RGS6: variants seen among roughly 807,000 people sequenced by gnomAD.
RGS6 encodes regulator of G-protein signaling 6.
A neutral mutation model predicts 78.5 loss-of-function variants in RGS6; 30 were observed. The observed-to-expected ratio is 0.38, with a 90% CI of 0.29 to 0.52. The LOEUF (loss-of-function observed/expected upper bound fraction) is 0.52. Among genes scored for constraint, RGS6 ranks in the 20% least tolerant of loss-of-function variants. The pLI is 0.85. For missense variants in RGS6, 495 were observed against 609.7 expected, an observed-to-expected ratio of 0.81 and a Z score of 1.98; for synonymous variants, 206 against 206.0, an observed-to-expected ratio of 1.00 and a Z score of 0.00.
intron 2 of RGS6, among the ~76,000 whole-genome samples, chr14:72,083,820 C>T (rs1480913815): frequency 2.0e-5 from 3 of 152,078 alleles, no homozygotes; most frequent in African/African-American, 7.2e-5. Flanking sequence ...AGAAATGTTG[C>T]TTGGGGAAAA....
intron 3 of RGS6, among the ~76,000 whole-genome samples, chr14:72,395,820 A>G (rs568441493): frequency 2.0e-5 from 3 of 152,086 alleles, no homozygotes; most frequent in East Asian, 3.9e-4. Context: ...GCTGAGAATG[A>G]TGGTTTCCAG....
intron 2 of RGS6, among the ~76,000 whole-genome samples, chr14:72,164,665 G>A (rs2096900556): frequency 6.6e-6 from 1 of 151,494 alleles, no homozygotes; most frequent in African/African-American, 2.4e-5. Flanking sequence ...CAAAACCAGT[G>A]TTATTTTCAG....
intron 2 of RGS6, among the ~76,000 whole-genome samples, chr14:72,088,236 T>C (rs1240215034): frequency 6.6e-6 from 1 of 152,116 alleles, no homozygotes; most frequent in Non-Finnish European, 1.5e-5. Context: ...CGGGGCACAT[T>C]TTGTTGGTAA....
chr14:72,436,878 T>C (rs2094937143), intron 3 of RGS6, among the ~76,000 whole-genome samples: 1 of 152,190 alleles, frequency 6.6e-6, no homozygotes, highest in Non-Finnish European at 1.5e-5. Context: ...TGGAAATCTA[T>C]GGTGTGGCCT....
In RGS6 at chr14:72,247,611, G is replaced by A. The variant is rs188469108; in HGVS notation, c.85-104484G>A. Among the ~76,000 whole-genome samples, 4 of 152,278 alleles carry A rather than the reference G, an allele frequency of 2.6e-5. No individual in the cohort carries two copies. In the East Asian group the frequency reaches 5.8e-4, roughly 22 times the overall value. ...TTTCTGTGGTTTGAATGTGTCCCTCGAAGTTCATGTGTTGAAAATGTAATT... is the reference window on the plus strand; with the variant it reads ...TTTCTGTGGTTTGAATGTGTCCCTCAAAGTTCATGTGTTGAAAATGTAATT... On this transcript the variant is annotated intron_variant, in intron 2 of 17. Coordinates refer to ENST00000553525, the MANE Select transcript of RGS6 (RefSeq NM_001204424.2).
chr14:71,981,065 G>C (rs1371424732), intron 2 of RGS6, among the ~76,000 whole-genome samples: 2 of 149,582 alleles, frequency 1.3e-5, no homozygotes, highest in South Asian at 4.5e-4. Context: ...GGCTCCTGAG[G>C]CTTCTGCATT....
intron 2 of RGS6, among the ~76,000 whole-genome samples, chr14:72,088,912 T>C (rs1174814181): frequency 6.6e-6 from 1 of 152,250 alleles, no homozygotes; most frequent in Non-Finnish European, 1.5e-5. Context: ...GTCAAGAACG[T>C]TCCTGCTCTA....
intron 3 of RGS6, among the ~76,000 whole-genome samples, chr14:72,415,362 G>C (rs2093725455): frequency 6.6e-6 from 1 of 152,280 alleles, no homozygotes; most frequent in African/African-American, 2.4e-5. Context: ...TAATCTCCTG[G>C]TGTGCCATTT....
rs145027357 is a variant in RGS6 at position 72,318,921 on chromosome 14, A to G, written c.85-33174A>G. Among the ~76,000 whole-genome samples the G allele has an allele frequency of 3.3e-5, 5 of 152,290 alleles. No individual in the cohort carries two copies. The East Asian group carries it at 9.6e-4, about 29-fold the overall frequency. ...CCGAGAAGAAGCAGTGGCTAAAATA[A>G]CTCATCAGCACACAACCCTTTGTAA... On this transcript the variant is annotated intron_variant, in intron 2 of 17. Transcript: ENST00000553525.
chr14:71,875,130 C>G, the RGS6 span, among the ~76,000 whole-genome samples: 3 of 152,134 alleles, frequency 2.0e-5, no homozygotes, highest in Non-Finnish European at 4.4e-5. Flanking sequence ...CTCTACCAGG[C>G]TTTGGTATTA....
intron 16 of RGS6, among the ~76,000 whole-genome samples, chr14:72,538,427 G>C (rs193267150): frequency 2.0e-5 from 3 of 152,214 alleles, no homozygotes; most frequent in African/African-American, 7.2e-5. Flanking sequence ...AGGTTCTCAG[G>C]GGGTAGGTGA....
intron 15 of RGS6, among the ~76,000 whole-genome samples, chr14:72,523,133 A>T (rs1229541577): frequency 6.6e-6 from 1 of 152,238 alleles, no homozygotes; most frequent in East Asian, 1.9e-4. Flanking sequence ...AATCCTCAGC[A>T]GCCCATGACC....
intron 1 of RGS6, among the ~76,000 whole-genome samples, chr14:71,947,921 A>G (rs929181957): frequency 2.0e-5 from 3 of 152,338 alleles, no homozygotes; most frequent in Admixed American, 6.5e-5. Flanking sequence ...CTTGAATGCC[A>G]TATAATAGTG....
intron 2 of RGS6, among the ~76,000 whole-genome samples, chr14:72,226,652 G>A (rs768843310): frequency 2.6e-5 from 4 of 152,186 alleles, no homozygotes; most frequent in South Asian, 2.1e-4. Flanking sequence ...ATCCTGAATC[G>A]GAATCTTCAT....
the RGS6 span, among the ~76,000 whole-genome samples, chr14:72,601,330 C>G: frequency 6.6e-6 from 1 of 152,226 alleles, no homozygotes; most frequent in East Asian, 1.9e-4. Flanking sequence ...TCACCACCCC[C>G]ACCCCCGAAT....
rs1308745977 is a variant in RGS6, at chr14:72,443,589, C to CT, written c.185-10938dup. On this transcript the variant is annotated intron_variant, in intron 3 of 17. Coordinates refer to ENST00000553525, the MANE Select transcript of RGS6 (RefSeq NM_001204424.2). Reference sequence around the variant, plus strand: ...CTGTCCTCAAGAAAGCCTTAGCCCCCTAGATTATTTTCAATATAAAATGTT... The same window carrying CT: ...CTGTCCTCAAGAAAGCCTTAGCCCCCTTAGATTATTTTCAATATAAAATGTT... Among the ~76,000 whole-genome samples, 47 of 152,324 alleles carry CT rather than the reference C, an allele frequency of 3.1e-4. 1 individual carries two copies. Among genetic ancestry groups the CT allele is most frequent in the South Asian group, 8.3e-4 (4 of 4,824 alleles).
At chr14:72,126,644 GAAAAT>G (rs1427354212) in intron 2 of RGS6, among the ~76,000 whole-genome samples, 1 of 152,172 alleles carries the variant, frequency 6.6e-6, no homozygotes, top group Non-Finnish European at 1.5e-5. Flanking sequence ...CTCTTACTAA[GAAAAT>G]AGAAAACACT....
chr14:72,309,471 G>A (rs535864757), intron 2 of RGS6, among the ~76,000 whole-genome samples: 1 of 152,316 alleles, frequency 6.6e-6, no homozygotes, highest in Admixed American at 6.5e-5. Context: ...CTTATTGGGA[G>A]ACGGCTCATG....
intron 2 of RGS6, among the ~76,000 whole-genome samples, chr14:72,102,910 T>C (rs4902986): frequency 0.3 from 46,081 of 152,098 alleles, 7,517 homozygotes; most frequent in Non-Finnish European, 0.37. Context: ...CGTGATTTAA[T>C]GGTGGAACAA....
Sources: allele counts gnomAD v4.1 joint callset (sites outside exome capture counted in the v4.1 genomes callset), GRCh38; gene constraint gnomAD v4.1.1; transcripts MANE v1.5; gene names NCBI Gene and HGNC (gene_info 2026-07-23, HGNC 2026-07-21).